The following REPS2 variants were observed in gnomAD, a reference collection of about 807,000 sequenced individuals.
REPS2 encodes the protein ralBP1-associated Eps domain-containing protein 2.
Under a neutral mutation model 53.6 loss-of-function variants are expected in REPS2, and 23 were observed. That is an observed-to-expected ratio of 0.43 (90% CI 0.31 to 0.61). The LOEUF (loss-of-function observed/expected upper bound fraction) is 0.61. REPS2 is among the 20% of genes least tolerant of loss of function. The probability of loss-of-function intolerance (pLI) is 0.11; values close to 1 mark genes in which losing one functional copy is unlikely to be tolerated. For missense variants in REPS2, 446 were observed against 534.9 expected (o/e 0.83, Z 1.64); for synonymous variants, 238 against 218.6 (o/e 1.09, Z -0.78).
chrX:17,057,307 C>T (rs887424720), intron 8 of REPS2, among the ~76,000 whole-genome samples: 1 of 111,981 alleles, frequency 8.9e-6, no homozygotes, highest in African/African-American at 3.2e-5. Flanking sequence ...TGTCTCGGGG[C>T]CTCTGACTCT....
At chrX:16,948,052 C>T (rs762280023) in intron 1 of REPS2, among the ~76,000 whole-genome samples, 28 of 111,913 alleles carry the variant, frequency 2.5e-4, no homozygotes, top group Non-Finnish European at 4.9e-4. Context: ...AGGTTCAAAA[C>T]GTGAAATGAA....
intron 6 of REPS2, among the ~76,000 whole-genome samples, chrX:17,051,942 A>C: frequency 8.9e-6 from 1 of 112,168 alleles, no homozygotes; most frequent in Non-Finnish European, 1.9e-5. Context: ...CTTTCCCAAG[A>C]TGTCTGTCTT....
chrX:17,063,717 C>T (rs1482601819), intron 9 of REPS2, among the ~76,000 whole-genome samples: 1 of 111,243 alleles, frequency 9.0e-6, no homozygotes, highest in Non-Finnish European at 1.9e-5. Flanking sequence ...TGCCACTTTT[C>T]ATGGCCCTCA....
chrX:17,101,607 C>G (rs1379186431), intron 13 of REPS2, among the ~76,000 whole-genome samples: 1 of 111,851 alleles, frequency 8.9e-6, no homozygotes, highest in Non-Finnish European at 1.9e-5. Context: ...TCATCTTTTA[C>G]AAGAGCAGGG....
At chrX:17,066,630 A>G (rs1463674327) in intron 9 of REPS2, among the ~76,000 whole-genome samples, 1 of 112,351 alleles carries the variant, frequency 8.9e-6, no homozygotes, top group Non-Finnish European at 1.9e-5. Context: ...TCCCAGCACT[A>G]TGTGAGGCCG....
chrX:17,070,717 T>C (rs2147976848), intron 11 of REPS2, among the ~76,000 whole-genome samples: 1 of 112,447 alleles, frequency 8.9e-6, no homozygotes, highest in Non-Finnish European at 1.9e-5. Context: ...AAGTCAATCA[T>C]GTTTGTTGTG....
chrX:16,953,886 CTT>C (rs1347391223), intron 1 of REPS2, among the ~76,000 whole-genome samples: 1 of 111,887 alleles, frequency 8.9e-6, no homozygotes, highest in Non-Finnish European at 1.9e-5. Context: ...AGAATGCACA[CTT>C]ATATTCTTGA....
At chrX:17,102,716 G>A (rs1259811339) in intron 13 of REPS2, among the ~76,000 whole-genome samples, 1 of 112,608 alleles carries the variant, frequency 8.9e-6, no homozygotes, top group Non-Finnish European at 1.9e-5. Context: ...TAGCTTGTCT[G>A]ATCCAGCTAG....
chrX:17,035,282 T>C (rs1286739217), intron 5 of REPS2, among the ~76,000 whole-genome samples: 3 of 107,612 alleles, frequency 2.8e-5, no homozygotes, highest in Non-Finnish European at 5.8e-5. Flanking sequence ...GCATGAAAGA[T>C]ATTTTATGGG....
At chrX:17,191,928 G>T in the REPS2 span, among the ~76,000 whole-genome samples, 1 of 112,296 alleles carries the variant, frequency 8.9e-6, no homozygotes, top group Non-Finnish European at 1.9e-5. Flanking sequence ...TTTTTGGTGT[G>T]ATAGAACTGC....
intron 3 of REPS2, among the ~76,000 whole-genome samples, chrX:17,023,359 C>T (rs922670790): frequency 9.3e-6 from 1 of 107,187 alleles, no homozygotes; most frequent in East Asian, 2.9e-4. Context: ...ATCCGGGAGG[C>T]GGAGATTGCA....
intron 1 of REPS2, among the ~76,000 whole-genome samples, chrX:17,005,675 A>G (rs2061355410): frequency 8.9e-6 from 1 of 112,123 alleles, no homozygotes; most frequent in African/African-American, 3.2e-5. Flanking sequence ...GAAACTGACA[A>G]TTATTACAAT....
intron 4 of REPS2, among the ~76,000 whole-genome samples, 192 bp from the exon 5 acceptor site, chrX:17,029,334 T>C (rs2061680965): frequency 8.9e-6 from 1 of 112,470 alleles, no homozygotes. Context: ...CATGAATTGG[T>C]TGAATGTCTT....
intron 1 of REPS2, among the ~76,000 whole-genome samples, chrX:16,957,410 CA>C (rs34675762): frequency 8.4e-4 from 80 of 95,134 alleles, no homozygotes; most frequent in Middle Eastern, 5.2e-3. Flanking sequence ...GATTCTGTCT[CA>C]AAAAAAAAAA....
intron 8 of REPS2, among the ~76,000 whole-genome samples, chrX:17,060,793 G>A (rs1482095828): frequency 9.0e-6 from 1 of 111,002 alleles, no homozygotes; most frequent in Non-Finnish European, 1.9e-5. Flanking sequence ...GGGAACATAT[G>A]ACGGGCAATA....
intron 13 of REPS2, among the ~76,000 whole-genome samples, chrX:17,090,441 C>T (rs2062599941): frequency 9.0e-6 from 1 of 110,996 alleles, no homozygotes; most frequent in Non-Finnish European, 1.9e-5. Flanking sequence ...AAAGACCTGC[C>T]CCCATGGTTC....
At chrX:17,023,327 C>T (rs1602707315) in intron 3 of REPS2, among the ~76,000 whole-genome samples, 1 of 109,841 alleles carries the variant, frequency 9.1e-6, no homozygotes, top group Admixed American at 9.7e-5. Flanking sequence ...ACTTGGAAGG[C>T]TGAGGCAGGA....
At chrX:17,009,538 T>A (rs2061404521) in intron 2 of REPS2, among the ~76,000 whole-genome samples, 1 of 110,589 alleles carries the variant, frequency 9.0e-6, no homozygotes, top group Non-Finnish European at 1.9e-5. Flanking sequence ...ATGATCTTCC[T>A]GCGTAGCTGA....
chrX:16,988,831 A>G (rs771729436), intron 1 of REPS2, among the ~76,000 whole-genome samples: 1 of 112,476 alleles, frequency 8.9e-6, no homozygotes, highest in African/African-American at 3.2e-5. Flanking sequence ...GATGGGGAAC[A>G]TACCATGTTC....
Sources: allele counts gnomAD v4.1 joint callset (sites outside exome capture counted in the v4.1 genomes callset), GRCh38; gene constraint gnomAD v4.1.1; transcripts MANE v1.5; gene names NCBI Gene and HGNC (gene_info 2026-07-23, HGNC 2026-07-21).